The following MRTFB variants were observed in gnomAD, a reference collection of about 807,000 sequenced individuals.
MRTFB encodes the protein myocardin related transcription factor B.
A neutral mutation model predicts 104.2 loss-of-function variants in MRTFB; 29 were observed. That is an observed-to-expected ratio of 0.28 (90% confidence interval 0.21 to 0.38). The LOEUF (loss-of-function observed/expected upper bound fraction) is 0.38, where lower values mean the gene tolerates loss of function less well. MRTFB is among the 10% of genes least tolerant of loss of function. The pLI is 1.00. For synonymous variants in MRTFB, 535 were observed against 519.5 expected, an observed-to-expected ratio of 1.03 and a Z score of -0.41; for missense variants, 1,270 against 1,341.6, an observed-to-expected ratio of 0.95 and a Z score of 0.83.
the MRTFB span, among the ~76,000 whole-genome samples, chr16:14,046,226 C>A: frequency 6.6e-6 from 1 of 151,962 alleles, no homozygotes; most frequent in Non-Finnish European, 1.5e-5. Context: ...CTCCGGAGGC[C>A]GAGATGGGAG....
At chr16:14,103,657 T>C (rs776636646) in intron 2 of MRTFB, among the ~76,000 whole-genome samples, 2 of 152,180 alleles carry the variant, frequency 1.3e-5, no homozygotes, top group Non-Finnish European at 2.9e-5. Context: ...GCTACAAATA[T>C]AGTCTGCTTC....
chr16:14,204,047 C>G (rs1477333827), intron 3 of MRTFB, among the ~76,000 whole-genome samples: 1 of 152,106 alleles, frequency 6.6e-6, no homozygotes, highest in Admixed American at 6.5e-5. Flanking sequence ...TGTATAGCCT[C>G]GAACTCCTGG....
chr16:14,217,058 C>A, intron 6 of MRTFB, 68 bp from the exon 7 acceptor site: 3 of 1,443,896 alleles, frequency 2.1e-6, no homozygotes, highest in South Asian at 1.6e-5. Context: ...AGTTTGTTGG[C>A]CTGAAATAAC....
the MRTFB span, among the ~76,000 whole-genome samples, chr16:14,025,032 T>C: frequency 4.4e-3 from 669 of 152,276 alleles, 5 homozygotes; most frequent in African/African-American, 0.015. Context: ...CATAATATAG[T>C]AATAGAACAG....
chr16:14,186,532 C>T (rs985777961), intron 3 of MRTFB, among the ~76,000 whole-genome samples: 8 of 152,182 alleles, frequency 5.3e-5, no homozygotes, highest in African/African-American at 1.9e-4. Flanking sequence ...TTTTTAACTG[C>T]TTGACTCAGT....
At chr16:14,237,776 G>C (rs1323116704) in intron 9 of MRTFB, among the ~76,000 whole-genome samples, 1 of 152,192 alleles carries the variant, frequency 6.6e-6, no homozygotes, top group Non-Finnish European at 1.5e-5. Context: ...GCTCTGTGCT[G>C]ATCACTTATA....
the MRTFB span, among the ~76,000 whole-genome samples, chr16:14,040,134 T>C: frequency 1.3e-5 from 2 of 152,156 alleles, no homozygotes; most frequent in African/African-American, 4.8e-5. Context: ...AAGTATTAGG[T>C]TGGTGCAAAA....
At chr16:14,131,962 A>G (rs74479864) in intron 2 of MRTFB, among the ~76,000 whole-genome samples, 3,807 of 152,284 alleles carry the variant, frequency 0.025, 181 homozygotes, top group African/African-American at 0.087. Context: ...AAATATATAC[A>G]CACAAAAACG....
intron 3 of MRTFB, among the ~76,000 whole-genome samples, chr16:14,202,627 G>A (rs1238694919): frequency 6.6e-6 from 1 of 152,178 alleles, no homozygotes; most frequent in Non-Finnish European, 1.5e-5. Flanking sequence ...TTCACCAAGT[G>A]TCTAATGTAA....
intron 2 of MRTFB, among the ~76,000 whole-genome samples, chr16:14,092,091 G>T (rs548160475): frequency 4.6e-5 from 7 of 152,022 alleles, no homozygotes; most frequent in African/African-American, 1.7e-4. Context: ...AAAGGTTCAG[G>T]GATATGCAAG....
chr16:14,234,421 C>A, intron 9 of MRTFB, 138 bp downstream of exon 9: 2 of 998,372 alleles, frequency 2.0e-6, no homozygotes, highest in Non-Finnish European at 2.8e-6. Context: ...CTAAGCCATG[C>A]AAAGACTTGC....
chr16:14,140,530 C>G lies in MRTFB; in HGVS notation c.-63-14C>G, dbSNP rs2037941724. On this transcript the variant is annotated splice_polypyrimidine_tract_variant and intron_variant, in intron 2 of 16. Transcript: ENST00000571589. ...TAACTGCACCATCTCTTTACACATT[C>G]TTTATTTTGGCAGTGTCTTCAATAG... The G allele has an allele frequency of 1.3e-6, 2 of 1,545,140 alleles. No individual in the cohort carries two copies.
At chr16:14,023,610 C>CACATACATATACAT in the MRTFB span, among the ~76,000 whole-genome samples, 3 of 106,976 alleles carry the variant, frequency 2.8e-5, no homozygotes, top group East Asian at 2.7e-4. Context: ...CACACACACA[C>CACATACATATACAT]ATACATATAC....
chr16:14,145,175 T>C lies in MRTFB; in HGVS notation c.154+4415T>C, dbSNP rs140573788. Reference sequence around the variant, plus strand: ...TTTTTCAGACATGTTGTTCATTTTTTAGGTCTTCTTAATGCAGTGTTTAAG... The same window carrying C: ...TTTTTCAGACATGTTGTTCATTTTTCAGGTCTTCTTAATGCAGTGTTTAAG... On this transcript the variant is annotated intron_variant, in intron 3 of 16. Coordinates refer to ENST00000571589, the MANE Select transcript of MRTFB (RefSeq NM_001308142.2). 1.4e-3 allele frequency among the ~76,000 whole-genome samples: 218 copies of C among 151,900 alleles called. 3 individuals are homozygous for C. The East Asian group carries it at 0.036, about 25-fold the overall frequency.
At chr16:14,172,255 TATTTC>T (rs1457230872) in intron 3 of MRTFB, among the ~76,000 whole-genome samples, 1 of 152,308 alleles carries the variant, frequency 6.6e-6, no homozygotes, top group East Asian at 1.9e-4. Context: ...AGCTATATTT[TATTTC>T]CTCTTCTTTC....
At chr16:14,053,638 G>A in the MRTFB span, among the ~76,000 whole-genome samples, 1 of 151,542 alleles carries the variant, frequency 6.6e-6, no homozygotes, top group Non-Finnish European at 1.5e-5. Context: ...GGCTGAGGCA[G>A]CAGAATCACT....
chr16:14,031,344 A>G, the MRTFB span, among the ~76,000 whole-genome samples: 1 of 151,416 alleles, frequency 6.6e-6, no homozygotes, highest in Non-Finnish European at 1.5e-5. Context: ...CAGTGAGCCG[A>G]GATTGTGCCA....
Position 14,263,662 on chromosome 16 carries a change from G to A in MRTFB, c.*2218G>A, listed in dbSNP as rs765823275. ...AAATAGGGTTTGAAACATGCCACAGGAAGGTTGCTCTCCAAAAATACACAG... is the reference window on the plus strand; with the variant it reads ...AAATAGGGTTTGAAACATGCCACAGAAAGGTTGCTCTCCAAAAATACACAG... On this transcript the variant is annotated 3_prime_UTR_variant, in exon 17 of 17. Coordinates refer to ENST00000571589, the MANE Select transcript of MRTFB (RefSeq NM_001308142.2). 1 of 152,176 alleles carries A rather than the reference G, an allele frequency of 6.6e-6. No homozygotes were observed. Among genetic ancestry groups the A allele is most frequent in the Non-Finnish European group, 1.5e-5 (1 of 68,026 alleles). 9.4% of individuals were successfully genotyped at this position (152,176 alleles called of 1,614,324 possible).
At chr16:14,145,525 A>G (rs921317178) in intron 3 of MRTFB, among the ~76,000 whole-genome samples, 2 of 152,166 alleles carry the variant, frequency 1.3e-5, no homozygotes, top group African/African-American at 2.4e-5. Flanking sequence ...TATTCCCACT[A>G]TTGGAGCACA....
Sources: allele counts gnomAD v4.1 joint callset (sites outside exome capture counted in the v4.1 genomes callset), GRCh38; gene constraint gnomAD v4.1.1; transcripts MANE v1.5; gene names NCBI Gene and HGNC (gene_info 2026-07-23, HGNC 2026-07-21).